SLC12A6: variants seen among roughly 807,000 people sequenced by gnomAD.
SLC12A6 encodes solute carrier family 12 member 6, also known as K-Cl cotransporter 3.
SLC12A6 carries 66 observed loss-of-function variants against 135.3 expected under a neutral mutation model. The ratio of observed to expected loss-of-function variants is 0.49; its 90% CI spans 0.40 to 0.60. The LOEUF (loss-of-function observed/expected upper bound fraction) is 0.60, where lower values mean the gene tolerates loss of function less well. SLC12A6 is among the 20% of genes least tolerant of loss of function. The pLI is 0.00. For synonymous variants in SLC12A6, 513 were observed against 508.8 expected (o/e 1.01, Z -0.11); for missense variants, 1,058 against 1,452.3 (o/e 0.73, Z 4.41).
chr15:34,318,503 G>A, intron 2 of SLC12A6: 1 of 1,343,010 alleles, frequency 7.4e-7, no homozygotes, highest in Non-Finnish European at 1.1e-6. Flanking sequence ...TGATATCCTA[G>A]TTACTTCTTT....
chr15:34,250,411 G>C, intron 12 of SLC12A6, 56 bp from the exon 13 acceptor site: 1 of 1,083,480 alleles, frequency 9.2e-7, no homozygotes, highest in Non-Finnish European at 1.4e-6. Flanking sequence ...GAGATAGAAA[G>C]TAGACACTCA....
intron 3 of SLC12A6, among the ~76,000 whole-genome samples, chr15:34,273,433 C>A (rs1427147237): frequency 6.6e-6 from 1 of 152,208 alleles, no homozygotes; most frequent in African/African-American, 2.4e-5. Flanking sequence ...ATATTTATGT[C>A]AAACCATTTA....
At chr15:34,336,906 GAAAAAAACAAAAAAC>G in intron 1 of SLC12A6, 154 bp from the exon 2 acceptor site, 1 of 582,940 alleles carries the variant, frequency 1.7e-6, no homozygotes, top group South Asian at 2.0e-5. Flanking sequence ...TTTTAAGAGA[GAAAAAAACAAAAAAC>G]AAAAAGACAA....
At chr15:34,245,170 GT>G (rs1375276376) in intron 15 of SLC12A6, 114 bp downstream of exon 15, 3 of 752,260 alleles carry the variant, frequency 4.0e-6, no homozygotes, top group Non-Finnish European at 2.4e-6. Flanking sequence ...TTTAAGTGAA[GT>G]TACATCTGTA....
At chr15:34,315,583 T>C (rs1888584870) in intron 2 of SLC12A6, among the ~76,000 whole-genome samples, 1 of 149,796 alleles carries the variant, frequency 6.7e-6, no homozygotes, top group Admixed American at 6.6e-5. Flanking sequence ...AAATAATTTT[T>C]AAATTAAGGT....
At chr15:34,282,678 G>A (rs952547571) in intron 2 of SLC12A6, among the ~76,000 whole-genome samples, 2 of 152,192 alleles carry the variant, frequency 1.3e-5, no homozygotes, top group East Asian at 1.9e-4. Context: ...CTAGAGCCCA[G>A]AAGTTCAAGG....
chr15:34,333,180 G>A (rs1404342175), intron 2 of SLC12A6, among the ~76,000 whole-genome samples: 3 of 151,442 alleles, frequency 2.0e-5, no homozygotes, highest in African/African-American at 7.3e-5. Flanking sequence ...AGTTGTATAT[G>A]CCCTTAATTG....
chr15:34,258,491 T>C (rs1335588790), intron 5 of SLC12A6, among the ~76,000 whole-genome samples: 1 of 152,202 alleles, frequency 6.6e-6, no homozygotes, highest in East Asian at 1.9e-4. Context: ...CCAACCTATG[T>C]AAGTAGCAAC....
chr15:34,305,741 G>C (rs1896562752), intron 2 of SLC12A6, among the ~76,000 whole-genome samples: 1 of 150,998 alleles, frequency 6.6e-6, no homozygotes, highest in Non-Finnish European at 1.5e-5. Context: ...TCATGTTCAA[G>C]TTTCTCTCTC....
At chr15:34,258,318 C>G (rs1308142528) in intron 5 of SLC12A6, among the ~76,000 whole-genome samples, 1 of 152,116 alleles carries the variant, frequency 6.6e-6, no homozygotes, top group Non-Finnish European at 1.5e-5. Context: ...TTAAAAAACC[C>G]AACAACTTCA....
chr15:34,271,602 T>TACACACACACACACACACACAC (rs10588100), intron 3 of SLC12A6, among the ~76,000 whole-genome samples: 36 of 148,936 alleles, frequency 2.4e-4, no homozygotes, highest in South Asian at 4.3e-4. Context: ...AGTGCAAAGC[T>TACACACACACACACACACACAC]ACACACACAC....
At chr15:34,261,988 C>T (rs919066083) in intron 3 of SLC12A6, among the ~76,000 whole-genome samples, 13 of 150,514 alleles carry the variant, frequency 8.6e-5, no homozygotes, top group Admixed American at 8.5e-4. Flanking sequence ...ACCCGGCAAT[C>T]CCATTACTGG....
At chr15:34,261,446 C>T (rs922276744) in intron 3 of SLC12A6, among the ~76,000 whole-genome samples, 1 of 152,116 alleles carries the variant, frequency 6.6e-6, no homozygotes, top group South Asian at 2.1e-4. Flanking sequence ...CAGGCACGCA[C>T]CACCATGCCC....
rs760170288 is a variant in SLC12A6, at chr15:34,250,853, C to T, written c.1492+46G>A. The T allele has an allele frequency of 3.2e-6, 5 of 1,541,194 alleles. No individual in the cohort carries two copies. In the African/African-American group the frequency reaches 4.1e-5, roughly 13 times the overall value. On this transcript the variant is annotated intron_variant, in intron 11 of 25. Coordinates refer to ENST00000354181, the MANE Select transcript of SLC12A6 (RefSeq NM_001365088.1). ...TTCTGCCTCCTGAGAAAAATCACTC[C>T]GTGGGTCTGACAGCTTCTAAAATAT...
intron 2 of SLC12A6, among the ~76,000 whole-genome samples, chr15:34,323,882 A>G (rs1389982189): frequency 6.6e-6 from 1 of 151,496 alleles, no homozygotes; most frequent in East Asian, 2.0e-4. Context: ...CTGAGGCTGC[A>G]ATGAGCCCTA....
At chr15:34,251,923 T>C (rs1892419100) in intron 10 of SLC12A6, among the ~76,000 whole-genome samples, 1 of 152,228 alleles carries the variant, frequency 6.6e-6, no homozygotes, top group Non-Finnish European at 1.5e-5. Context: ...AGAAAGTGAT[T>C]TGCTCAACTC....
At chr15:34,320,654 T>C (rs2644244) in intron 2 of SLC12A6, among the ~76,000 whole-genome samples, 13,621 of 151,296 alleles carry the variant, frequency 0.09, 1,994 homozygotes, top group African/African-American at 0.31. Flanking sequence ...AGGTGGCTCA[T>C]GCCTGTAATC....
At chr15:34,322,592 G>T (rs1463168182) in intron 2 of SLC12A6, among the ~76,000 whole-genome samples, 2 of 152,050 alleles carry the variant, frequency 1.3e-5, no homozygotes, top group African/African-American at 4.8e-5. Context: ...TATGTAAAAA[G>T]ACAAGTATAA....
intron 5 of SLC12A6, 118 bp downstream of exon 5, chr15:34,258,695 A>G: frequency 1.1e-6 from 1 of 890,082 alleles, no homozygotes; most frequent in Non-Finnish European, 1.9e-6. Context: ...GAACAGTTCC[A>G]GGCACCTCTC....
Sources: allele counts gnomAD v4.1 joint callset (sites outside exome capture counted in the v4.1 genomes callset), GRCh38; gene constraint gnomAD v4.1.1; transcripts MANE v1.5; gene names NCBI Gene and HGNC (gene_info 2026-07-23, HGNC 2026-07-21).